The following MUC7 variants were observed in gnomAD, a reference collection of about 807,000 sequenced individuals.
The protein encoded by MUC7 is mucin-7.
In MUC7, 2 loss-of-function variants were observed where a neutral mutation model predicts 2.5. The observed-to-expected ratio is 0.81, with a 90% CI of 0.33 to 2.55. The LOEUF is 2.55. Among genes scored for constraint, MUC7 ranks in the 30% most tolerant of loss-of-function variants. The pLI is 0.11. For synonymous variants in MUC7, 133 were observed against 173.4 expected, an observed-to-expected ratio of 0.77 and a Z score of 1.83; for missense variants, 408 against 455.6, an observed-to-expected ratio of 0.90 and a Z score of 0.95.
chr4:70,450,914 G>A (rs1734263183), intron 1 of MUC7, among the ~76,000 whole-genome samples: 1 of 152,142 alleles, frequency 6.6e-6, no homozygotes, highest in Non-Finnish European at 1.5e-5. Flanking sequence ...GCCTGGAGAT[G>A]GGGAGGAGTG....
At chr4:70,465,550 A>G (rs1317280126) in intron 1 of MUC7, among the ~76,000 whole-genome samples, 1 of 152,162 alleles carries the variant, frequency 6.6e-6, no homozygotes, top group Non-Finnish European at 1.5e-5. Flanking sequence ...AGAGAAGACC[A>G]TAATGACCTG....
chr4:70,440,149 C>T (rs17148920), intron 1 of MUC7, among the ~76,000 whole-genome samples: 2,339 of 152,114 alleles, frequency 0.015, 36 homozygotes, highest in South Asian at 0.039. Context: ...TATGTTGTTT[C>T]CTCTCATTTC....
At chr4:70,472,614 T>C (rs1216556622) in intron 1 of MUC7, among the ~76,000 whole-genome samples, 2 of 152,230 alleles carry the variant, frequency 1.3e-5, no homozygotes, top group Non-Finnish European at 2.9e-5. Flanking sequence ...ACTGAGACTT[T>C]ATTATGGATA....
At chr4:70,431,729 A>T (rs1733671106) in intron 1 of MUC7, among the ~76,000 whole-genome samples, 1 of 152,060 alleles carries the variant, frequency 6.6e-6, no homozygotes, top group Non-Finnish European at 1.5e-5. Flanking sequence ...TCTGGTTTAA[A>T]TTATGGGTTT....
chr4:70,443,195 C>A (rs1734047756), intron 1 of MUC7, among the ~76,000 whole-genome samples: 2 of 151,636 alleles, frequency 1.3e-5, no homozygotes, highest in South Asian at 2.1e-4. Flanking sequence ...TGAAGAAATT[C>A]TCAAATCAAA....
At chr4:70,475,201 C>G (rs751043173) in intron 2 of MUC7, among the ~76,000 whole-genome samples, 4 of 152,006 alleles carry the variant, frequency 2.6e-5, no homozygotes, top group Non-Finnish European at 5.9e-5. Context: ...ATTGCTCGAA[C>G]CTGGGAGGCA....
intron 1 of MUC7, among the ~76,000 whole-genome samples, chr4:70,450,432 G>C (rs1256793063): frequency 6.6e-6 from 1 of 152,208 alleles, no homozygotes. Context: ...ACTTGGCCTA[G>C]AGCCAAGCTT....
intron 1 of MUC7, among the ~76,000 whole-genome samples, chr4:70,451,477 T>A (rs1734278992): frequency 6.6e-6 from 1 of 152,228 alleles, no homozygotes; most frequent in Admixed American, 6.5e-5. Flanking sequence ...TAACTCAGTG[T>A]CCTTGTTGGG....
At chr4:70,465,444 C>A (rs1577910117) in intron 1 of MUC7, among the ~76,000 whole-genome samples, 1 of 151,698 alleles carries the variant, frequency 6.6e-6, no homozygotes, top group Non-Finnish European at 1.5e-5. Context: ...GGGTAATAAC[C>A]TTCTCTGAGC....
intron 1 of MUC7, among the ~76,000 whole-genome samples, chr4:70,454,922 A>G (rs943515796): frequency 1.3e-5 from 2 of 152,304 alleles, no homozygotes; most frequent in Non-Finnish European, 2.9e-5. Flanking sequence ...AAATTGTATA[A>G]CGTTTAGCCA....
chr4:70,444,207 C>A (rs866646471), intron 1 of MUC7, among the ~76,000 whole-genome samples: 1 of 152,202 alleles, frequency 6.6e-6, no homozygotes, highest in African/African-American at 2.4e-5. Context: ...CTTGACACCA[C>A]GGTGGCCTCC....
chr4:70,453,136 ATGTT>A (rs1390480997), intron 1 of MUC7, among the ~76,000 whole-genome samples: 1 of 151,838 alleles, frequency 6.6e-6, no homozygotes, highest in East Asian at 1.9e-4. Context: ...GCTACCACCT[ATGTT>A]TGTTTGCTCA....
intron 1 of MUC7, among the ~76,000 whole-genome samples, chr4:70,434,993 C>T (rs1733789511): frequency 6.6e-6 from 1 of 152,160 alleles, no homozygotes; most frequent in African/African-American, 2.4e-5. Context: ...GCAGATTGTT[C>T]AGTTTCCATG....
rs140398820 is a variant in MUC7, at chr4:70,455,121, A to C, written c.-92-17094A>C. Among the ~76,000 whole-genome samples the C allele has an allele frequency of 7.5e-4, 114 of 151,172 alleles. No individual in the cohort carries two copies. In the East Asian group the frequency reaches 0.02, roughly 27 times the overall value. On this transcript the variant is annotated intron_variant, in intron 1 of 3. Coordinates refer to the MUC7 transcript ENST00000413702. ...ATTCCAGTGATCATGATTTATGCTA[A>C]TTTTTTTCTAAATTATTTATTCTAT... is the stretch of plus-strand genomic sequence containing the variant.
At chr4:70,474,139 C>G (rs1191085401) in intron 2 of MUC7, 64 bp downstream of exon 2, 3 of 1,384,590 alleles carry the variant, frequency 2.2e-6, no homozygotes, top group East Asian at 4.6e-5. Flanking sequence ...GTGTACCTAC[C>G]TGAGACTTTT....
intron 1 of MUC7, among the ~76,000 whole-genome samples, chr4:70,442,313 G>A (rs1367299255): frequency 6.6e-6 from 1 of 151,998 alleles, no homozygotes; most frequent in Non-Finnish European, 1.5e-5. Flanking sequence ...GCAAAAAAAA[G>A]TGCATTTAGG....
chr4:70,458,597 A>G (rs1260933240), intron 1 of MUC7, among the ~76,000 whole-genome samples: 2 of 152,148 alleles, frequency 1.3e-5, no homozygotes, highest in Non-Finnish European at 2.9e-5. Context: ...AAGGAAAAAA[A>G]GTAACAAAAA....
intron 1 of MUC7, among the ~76,000 whole-genome samples, chr4:70,434,138 G>A (rs1469993164): frequency 6.6e-6 from 1 of 152,086 alleles, no homozygotes; most frequent in Non-Finnish European, 1.5e-5. Context: ...TTTTATTGAG[G>A]ATTTTTGCAT....
chr4:70,480,821 A>G lies in MUC7; in HGVS notation c.77A>G (p.Asp26Gly), dbSNP rs368454838. The G allele has an allele frequency of 6.2e-7, 1 of 1,613,798 alleles. No homozygotes were observed. Among genetic ancestry groups the G allele is most frequent in the Non-Finnish European group, 8.5e-7 (1 of 1,179,778 alleles). ...CAGTTCAGTGAAGGTCGAGAAAGGG[A>G]TCATGAACTACGTCACAGAAGGCAT... The part of the protein sequence containing the change: ...CFSFSEGRER[D>G]HELRHRRHHH... The change falls in exon 3 of 3, where the codon GAT (aspartate) becomes GGT (glycine). Residue 26 changes from aspartate to glycine, a missense_variant. By Grantham distance (94) the Asp-to-Gly change is moderately conservative (BLOSUM62 -1). Coordinates refer to ENST00000304887, the MANE Select transcript of MUC7 (RefSeq NM_152291.3).
Sources: allele counts gnomAD v4.1 joint callset (sites outside exome capture counted in the v4.1 genomes callset), GRCh38; gene constraint gnomAD v4.1.1; transcripts MANE v1.5; gene names NCBI Gene and HGNC (gene_info 2026-07-23, HGNC 2026-07-21).